Variants in CDH23 observed in about 807,000 individuals in gnomAD.
The protein encoded by CDH23 is cadherin-23.
CDH23 carries 189 observed loss-of-function variants against 317.1 expected under a neutral mutation model. That is an observed-to-expected ratio of 0.60 (90% CI 0.53 to 0.67). The LOEUF is 0.67. Among genes scored for constraint, CDH23 ranks in the 30% least tolerant of loss-of-function variants. The pLI is 0.00. For missense variants in CDH23, 4,401 were observed against 4,592.4 expected, an observed-to-expected ratio of 0.96 and a Z score of 1.20; for synonymous variants, 1,839 against 1,876.8, an observed-to-expected ratio of 0.98 and a Z score of 0.52.
intron 29 of CDH23, 48 bp from the exon 30 acceptor site, chr10:71,725,324 G>A (rs1201767965): frequency 1.9e-6 from 3 of 1,613,322 alleles, no homozygotes; most frequent in African/African-American, 1.3e-5. Context: ...CACAGCAGGA[G>A]ACTTCTGGGC....
intron 3 of CDH23, among the ~76,000 whole-genome samples, chr10:71,479,506 C>T (rs181683015): frequency 7.6e-4 from 115 of 152,290 alleles, no homozygotes; most frequent in African/African-American, 2.7e-3. Flanking sequence ...TTTGGAGAGA[C>T]ACAACAGGCT....
chr10:71,706,581 A>G (rs939052859), intron 25 of CDH23, among the ~76,000 whole-genome samples: 2 of 152,300 alleles, frequency 1.3e-5, no homozygotes, highest in African/African-American at 2.4e-5. Flanking sequence ...CCGTGTTGCC[A>G]TGGTCGTTGT....
At position 71,441,442 on chromosome 10, in the gene CDH23, G is replaced by A. The variant is rs372687538; in HGVS notation, c.67+1544G>A. Among the ~76,000 whole-genome samples, 206 of 152,264 alleles carry A rather than the reference G, an allele frequency of 1.4e-3. 1 individual carries two copies. Among genetic ancestry groups the A allele is most frequent in the Non-Finnish European group, 2.4e-3 (165 of 68,026 alleles). On this transcript the variant is annotated intron_variant, in intron 2 of 69. Coordinates refer to ENST00000224721, the MANE Select transcript of CDH23 (RefSeq NM_022124.6). ...CGTTAAAAAGAAATACATTTGGCCC[G>A]GCATGGTGGCTCTTGCTTATAATCC...
intron 38 of CDH23, among the ~76,000 whole-genome samples, chr10:71,771,881 A>C (rs142310452): frequency 6.0e-4 from 92 of 152,228 alleles, no homozygotes; most frequent in African/African-American, 2.2e-3. Context: ...GGGCTGCTGA[A>C]CAGAGGGCAG....
At chr10:71,622,036 G>A (rs1015801359) in intron 11 of CDH23, among the ~76,000 whole-genome samples, 5 of 152,060 alleles carry the variant, frequency 3.3e-5, no homozygotes, top group African/African-American at 9.7e-5. Flanking sequence ...AATCCAAAAG[G>A]CAGAAGCCCC....
At chr10:71,643,938 T>C in intron 12 of CDH23, 72 bp downstream of exon 12, 2 of 762,160 alleles carry the variant, frequency 2.6e-6, no homozygotes, top group South Asian at 2.7e-5. Context: ...GGAGGGGCTT[T>C]GAAAAGGGCA....
intron 1 of CDH23, among the ~76,000 whole-genome samples, chr10:71,424,700 A>C (rs1056989194): frequency 1.3e-5 from 2 of 152,148 alleles, no homozygotes; most frequent in Non-Finnish European, 2.9e-5. Flanking sequence ...TCCAGTGCTC[A>C]CTGTGCACCT....
chr10:71,793,254 A>G lies in CDH23; in HGVS notation c.6326A>G (p.Glu2109Gly). Residue 2109 changes from glutamate to glycine, a missense_variant, in exon 48 of 70, where the codon GAA becomes GGA. By Grantham distance (98) the Glu-to-Gly change is moderately conservative (BLOSUM62 -2). Coordinates refer to ENST00000224721, the MANE Select transcript of CDH23 (RefSeq NM_022124.6). ...GLNGELVYRI[E>G]AGAQDRFLIH... ...AATGGGGAGCTGGTCTACCGAATAG[A>G]AGCTGGGGCTCAGGACCGCTTCCTC... 2 of 1,613,920 alleles carry G rather than the reference A, an allele frequency of 1.2e-6. No individual in the cohort carries two copies. Among genetic ancestry groups the G allele is most frequent in the Non-Finnish European group, 1.7e-6 (2 of 1,179,866 alleles).
intron 18 of CDH23, among the ~76,000 whole-genome samples, chr10:71,685,335 C>A (rs1864829323): frequency 6.6e-6 from 1 of 152,206 alleles, no homozygotes; most frequent in South Asian, 2.1e-4. Context: ...GAAACCTGAG[C>A]TCTGCTCCAA....
In CDH23 at chr10:71,649,407, G is replaced by A. The variant is rs142510758; in HGVS notation, c.1449+2790G>A. Reference sequence around the variant, plus strand: ...TATGCAATGAAGGCAGGAGCCGAGCGTCCCCAGCTCTCATCCTGGCGTGGC... The same window carrying A: ...TATGCAATGAAGGCAGGAGCCGAGCATCCCCAGCTCTCATCCTGGCGTGGC... On this transcript the variant is annotated intron_variant, in intron 14 of 69. Transcript: ENST00000224721. 1.3e-3 allele frequency among the ~76,000 whole-genome samples: 203 copies of A among 152,346 alleles called. 2 individuals are homozygous for A. Among genetic ancestry groups the A allele is most frequent in the African/African-American group, 2.5e-3 (104 of 41,578 alleles).
chr10:71,649,791 A>C (rs964872035), intron 14 of CDH23, among the ~76,000 whole-genome samples: 7 of 152,240 alleles, frequency 4.6e-5, no homozygotes, highest in Non-Finnish European at 8.8e-5. Flanking sequence ...GAACCCACAC[A>C]GTTCAAACAG....
intron 3 of CDH23, among the ~76,000 whole-genome samples, chr10:71,462,800 C>G (rs1851067775): frequency 6.6e-6 from 1 of 152,256 alleles, no homozygotes; most frequent in African/African-American, 2.4e-5. Context: ...TGCACAGGTG[C>G]TTTTCAGAAG....
intron 1 of CDH23, among the ~76,000 whole-genome samples, chr10:71,426,202 T>C (rs1219546203): frequency 6.6e-6 from 1 of 151,924 alleles, no homozygotes; most frequent in African/African-American, 2.4e-5. Flanking sequence ...GAGCAAATGG[T>C]TTTGACTTGG....
chr10:71,799,037 T>C, intron 50 of CDH23, 74 bp from the exon 51 acceptor site: 1 of 1,444,512 alleles, frequency 6.9e-7, no homozygotes, highest in Non-Finnish European at 9.5e-7. Flanking sequence ...AGTCCAGGTC[T>C]TTCTCCTCAT....
At chr10:71,771,748 C>T (rs913452804) in intron 38 of CDH23, among the ~76,000 whole-genome samples, 1 of 152,218 alleles carries the variant, frequency 6.6e-6, no homozygotes, top group African/African-American at 2.4e-5. Flanking sequence ...GGAGTAAAGG[C>T]CCCTGGCCAT....
Position 71,709,149 on chromosome 10 carries a change from G to C in CDH23, c.3158G>C (p.Arg1053Thr). 1.2e-6 allele frequency: 2 copies of C among 1,613,992 alleles called. No individual in the cohort carries two copies. The highest frequency in any genetic ancestry group is 1.7e-6 in the Non-Finnish European group (2 of 1,179,900). ...FSVGYRDAVV[R>T]TVVGLDRETT... Reference sequence around the variant, plus strand: ...GTGGGTTACCGCGATGCCGTTGTGAGAACCGTGGTGGGCCTGGACCGGGAG... The same window carrying C: ...GTGGGTTACCGCGATGCCGTTGTGACAACCGTGGTGGGCCTGGACCGGGAG... Residue 1053 changes from arginine to threonine, a missense_variant, in exon 27 of 70, where the codon AGA becomes ACA. Physicochemically the swap from Arg to Thr is moderately conservative, Grantham distance 71 (BLOSUM62 -1). Around this residue, in one of 3 missense-constraint regions of CDH23, gnomAD observed 3,068 missense variants for 3,203.3 expected, o/e 0.96. Transcript: ENST00000224721.
chr10:71,662,586 T>A (rs963577025), intron 14 of CDH23, among the ~76,000 whole-genome samples: 4 of 152,192 alleles, frequency 2.6e-5, no homozygotes, highest in South Asian at 4.1e-4. Flanking sequence ...TTTGCCCCCT[T>A]CTCTCATCTC....
Position 71,760,314 on chromosome 10 carries a change from C to CATATAT in CDH23, c.4846-17353_4846-17348dup, listed in dbSNP as rs71018220. On this transcript the variant is annotated intron_variant, in intron 38 of 69. Transcript: ENST00000224721. ...GTGTATATATATGTATATACACACA[C>CATATAT]ATATATATATATATATATCCCTGAG... Among the ~76,000 whole-genome samples the CATATAT allele has an allele frequency of 1.1e-3, 91 of 82,420 alleles. 2 individuals carry two copies. Among genetic ancestry groups the CATATAT allele is most frequent in the African/African-American group, 2.4e-3 (70 of 28,860 alleles). 54.1% of individuals were successfully genotyped at this position (82,420 alleles called of 152,430 possible).
rs1657559944 is a variant in CDH23, at chr10:71,779,284, T to C, written c.5205T>C (p.Asn1735=). The C allele has an allele frequency of 6.2e-6, 10 of 1,614,006 alleles. No homozygotes were observed. The highest frequency in any genetic ancestry group is 8.5e-6 in the Non-Finnish European group (10 of 1,179,882). Reference sequence around the variant, plus strand: ...CATCTCAGGTGCTTGTGAATGTGAATGACATCAACGACAATGTGCCTACCT... The same window carrying C: ...CATCTCAGGTGCTTGTGAATGTGAACGACATCAACGACAATGTGCCTACCT... The part of the protein sequence containing the change: ...TSTTTVLVNV[N]DINDNVPTFP... The change falls in exon 41 of 70, where the codon AAT becomes AAC. Residue 1735 remains asparagine, a synonymous_variant. Transcript: ENST00000224721.
Sources: allele counts gnomAD v4.1 joint callset (sites outside exome capture counted in the v4.1 genomes callset), GRCh38; gene constraint gnomAD v4.1.1; regional missense constraint gnomAD v4.1.1; transcripts MANE v1.5; gene names NCBI Gene and HGNC (gene_info 2026-07-23, HGNC 2026-07-21).